The following LINGO2 variants were observed in gnomAD, a reference collection of about 807,000 sequenced individuals.
LINGO2 encodes leucine-rich repeat and immunoglobulin-like domain-containing nogo receptor-interacting protein 2.
In LINGO2, 14 loss-of-function variants were observed where a neutral mutation model predicts 30.6. The observed-to-expected ratio is 0.46, with a 90% CI of 0.30 to 0.72. The LOEUF is 0.72. LINGO2 is among the 30% of genes least tolerant of loss of function. The probability of loss-of-function intolerance (pLI) is 0.07; values close to 1 mark genes in which losing one functional copy is unlikely to be tolerated. For missense variants in LINGO2, 729 were observed against 751.7 expected (o/e 0.97, Z 0.35); for synonymous variants, 317 against 288.5 (o/e 1.10, Z -1.00).
At chr9:29,051,032 C>A in the LINGO2 span, among the ~76,000 whole-genome samples, 1 of 152,006 alleles carries the variant, frequency 6.6e-6, no homozygotes, top group Non-Finnish European at 1.5e-5. Flanking sequence ...ATGTTCCCGG[C>A]AAAATTGAGT....
At chr9:28,600,500 C>T (rs931302196) in intron 1 of LINGO2, among the ~76,000 whole-genome samples, 1 of 152,088 alleles carries the variant, frequency 6.6e-6, no homozygotes, top group African/African-American at 2.4e-5. Flanking sequence ...TAATAAGCAT[C>T]TGAGAGTATC....
chr9:28,731,565 A>T, the LINGO2 span, among the ~76,000 whole-genome samples: 2 of 152,138 alleles, frequency 1.3e-5, no homozygotes, highest in Non-Finnish European at 2.9e-5. Flanking sequence ...GTGCGGTTTA[A>T]AAGAACAACT....
At chr9:28,438,280 G>C (rs928546974) in intron 2 of LINGO2, among the ~76,000 whole-genome samples, 1 of 152,134 alleles carries the variant, frequency 6.6e-6, no homozygotes, top group Non-Finnish European at 1.5e-5. Context: ...TTTTCTGGAA[G>C]AGATTTGCAT....
chr9:28,042,470 T>C (rs576504931), intron 4 of LINGO2, among the ~76,000 whole-genome samples: 60 of 152,310 alleles, frequency 3.9e-4, no homozygotes, highest in African/African-American at 1.4e-3. Flanking sequence ...TATGAATATT[T>C]TTAATGGCAT....
At chr9:28,585,158 T>C (rs1824464824) in intron 1 of LINGO2, among the ~76,000 whole-genome samples, 2 of 152,084 alleles carry the variant, frequency 1.3e-5, no homozygotes, top group Non-Finnish European at 2.9e-5. Flanking sequence ...GTGTTTTTTA[T>C]TATTTGTATA....
intron 5 of LINGO2, among the ~76,000 whole-genome samples, chr9:27,993,094 C>G (rs915910815): frequency 3.3e-5 from 5 of 152,082 alleles, no homozygotes; most frequent in African/African-American, 1.2e-4. Context: ...GACTAATATG[C>G]TAATTTCACA....
the LINGO2 span, among the ~76,000 whole-genome samples, chr9:29,155,982 A>T: frequency 3.3e-5 from 5 of 152,108 alleles, no homozygotes; most frequent in African/African-American, 9.6e-5. Flanking sequence ...TAAACTAGGG[A>T]TCTGGAAGCT....
intron 2 of LINGO2, among the ~76,000 whole-genome samples, chr9:28,405,148 A>G (rs1217981108): frequency 6.6e-6 from 1 of 152,196 alleles, no homozygotes; most frequent in Non-Finnish European, 1.5e-5. Flanking sequence ...GATTAGGTTC[A>G]CTGACATTTT....
chr9:28,579,889 T>A (rs537891487), intron 1 of LINGO2, among the ~76,000 whole-genome samples: 1 of 152,112 alleles, frequency 6.6e-6, no homozygotes, highest in Non-Finnish European at 1.5e-5. Flanking sequence ...CAATCAGTTT[T>A]CTTAGCTAGA....
chr9:28,310,177 C>G (rs1486064233), intron 3 of LINGO2, among the ~76,000 whole-genome samples: 3 of 152,098 alleles, frequency 2.0e-5, no homozygotes, highest in Non-Finnish European at 4.4e-5. Context: ...TCCAGCCATT[C>G]AAATTCTAGG....
the LINGO2 span, among the ~76,000 whole-genome samples, chr9:28,724,989 T>C: frequency 8.6e-5 from 13 of 151,916 alleles, no homozygotes; most frequent in Non-Finnish European, 1.9e-4. Flanking sequence ...GCACCTATCA[T>C]CATTTGAAGA....
chr9:28,053,204 A>G (rs575876131), intron 4 of LINGO2, among the ~76,000 whole-genome samples: 30 of 152,208 alleles, frequency 2.0e-4, no homozygotes, highest in Admixed American at 1.9e-3. Flanking sequence ...CAGGCCATGT[A>G]GCATTTATAC....
At chr9:28,866,735 T>TA in the LINGO2 span, among the ~76,000 whole-genome samples, 1 of 152,304 alleles carries the variant, frequency 6.6e-6, no homozygotes, top group Admixed American at 6.5e-5. Flanking sequence ...TGAATTCATA[T>TA]AATTAACTTT....
At chr9:29,200,116 C>T in the LINGO2 span, among the ~76,000 whole-genome samples, 1 of 151,828 alleles carries the variant, frequency 6.6e-6, no homozygotes, top group South Asian at 2.1e-4. Context: ...GAGTTTTTCC[C>T]GGATACATGA....
At chr9:28,713,034 T>G in the LINGO2 span, among the ~76,000 whole-genome samples, 1 of 151,852 alleles carries the variant, frequency 6.6e-6, no homozygotes, top group Non-Finnish European at 1.5e-5. Flanking sequence ...CCCGGCTGAT[T>G]TTTGTATTTT....
chr9:29,063,514 T>C, the LINGO2 span, among the ~76,000 whole-genome samples: 1 of 151,968 alleles, frequency 6.6e-6, no homozygotes, highest in Non-Finnish European at 1.5e-5. Context: ...GCAATTCTTC[T>C]GCCTCAGCCA....
At chr9:28,670,565 T>C (rs1394993372), upstream of LINGO2, among the ~76,000 whole-genome samples, 2 of 152,178 alleles carry the variant, frequency 1.3e-5, no homozygotes, top group East Asian at 1.9e-4. Flanking sequence ...TGTTGGATTA[T>C]AAAAACCAAA....
intron 4 of LINGO2, among the ~76,000 whole-genome samples, chr9:28,088,203 TACACAC>T (rs56044203): frequency 0.62 from 91,893 of 148,348 alleles, 29,134 homozygotes; most frequent in East Asian, 0.89. Flanking sequence ...TATATAATTA[TACACAC>T]ACACACACAC....
chr9:28,279,727 C>T (rs1823252233), intron 4 of LINGO2, among the ~76,000 whole-genome samples: 2 of 152,156 alleles, frequency 1.3e-5, no homozygotes, highest in South Asian at 4.1e-4. Flanking sequence ...TCCTCAATAT[C>T]TGCAAGGTAT....
Sources: allele counts gnomAD v4.1 joint callset (sites outside exome capture counted in the v4.1 genomes callset), GRCh38; gene constraint gnomAD v4.1.1; transcripts MANE v1.5; gene names NCBI Gene and HGNC (gene_info 2026-07-23, HGNC 2026-07-21).